Variants in MCTP2 observed in about 807,000 individuals in gnomAD.
MCTP2 encodes the protein multiple C2 and transmembrane domain-containing protein 2.
A neutral mutation model predicts 111.6 loss-of-function variants in MCTP2; 132 were observed. The ratio of observed to expected loss-of-function variants is 1.18; its 90% CI spans 1.03 to 1.37. The LOEUF (loss-of-function observed/expected upper bound fraction) is 1.37, where lower values mean the gene tolerates loss of function less well. MCTP2 is among the 40% of genes most tolerant of loss of function. The pLI is 0.00. For synonymous variants in MCTP2, 395 were observed against 387.7 expected (o/e 1.02, Z -0.22); for missense variants, 1,183 against 1,067.9 (o/e 1.11, Z -1.50).
chr15:94,358,341 C>G lies in MCTP2; in HGVS notation c.1171-141C>G. 5.7e-6 allele frequency: 4 copies of G among 698,434 alleles called. 1 individual carries two copies. The highest frequency in any genetic ancestry group is 4.4e-5 in the South Asian group (2 of 45,116). 43.3% of individuals were successfully genotyped at this position (698,434 alleles called of 1,614,324 possible). ...TTGAACCCACCAAGTCCCTTTCATT[C>G]TAAAAAAAGAAGTTTACCTTTATAA... On this transcript the variant is annotated intron_variant, in intron 9 of 22. Coordinates refer to ENST00000357742, the MANE Select transcript of MCTP2 (RefSeq NM_001385001.1).
chr15:94,244,800 TTATA>T (rs1596154381), intron 1 of MCTP2, among the ~76,000 whole-genome samples: 1 of 144,002 alleles, frequency 6.9e-6, no homozygotes, highest in South Asian at 2.2e-4. Context: ...GCACGTATGT[TTATA>T]TACGTATATG....
At chr15:94,397,998 T>C (rs542111836) in intron 14 of MCTP2, among the ~76,000 whole-genome samples, 3 of 152,332 alleles carry the variant, frequency 2.0e-5, no homozygotes, top group East Asian at 3.9e-4. Context: ...AAGAGAATGA[T>C]GAAATCAAGC....
chr15:94,281,835 G>A (rs1449535334), intron 1 of MCTP2, among the ~76,000 whole-genome samples: 1 of 152,052 alleles, frequency 6.6e-6, no homozygotes, highest in Non-Finnish European at 1.5e-5. Context: ...GGCTGGATAT[G>A]ACATTCTTGG....
rs2073839214 is a variant in MCTP2 at position 94,470,581 on chromosome 15, A to G, written c.2470+139A>G. On this transcript the variant is annotated intron_variant, in intron 21 of 22. Transcript: ENST00000357742. ...GATTAAGGAAAGCATTTGGGGAACA[A>G]AAACTTCCAGGACCTCCCTGAAAGG... is the stretch of plus-strand genomic sequence containing the variant. The G allele has an allele frequency of 2.7e-5, 19 of 699,826 alleles. No individual in the cohort carries two copies. The South Asian group carries it at 3.3e-4, about 12-fold the overall frequency. The allele number at this position is 699,826 out of a possible 1,614,324, so 43.4% of individuals were successfully genotyped here.
rs375018037 is a variant in MCTP2 at position 94,464,261 on chromosome 15, A to AT, written c.2360+6016dup. ...TATAATATATATATATATATATTAT[A>AT]TATATATATATATATATAAACGTCA... On this transcript the variant is annotated intron_variant, in intron 20 of 22. Transcript: ENST00000357742. Among the ~76,000 whole-genome samples the AT allele has an allele frequency of 6.9e-4, 30 of 43,262 alleles. 1 individual carries two copies. The highest frequency in any genetic ancestry group is 2.8e-3 in the East Asian group (7 of 2,518). The allele number at this position is 43,262 out of a possible 152,430, so 28.4% of individuals were successfully genotyped here.
intron 7 of MCTP2, chr15:94,342,208 A>G (rs937187360): frequency 6.6e-6 from 1 of 152,214 alleles, no homozygotes; most frequent in Non-Finnish European, 1.5e-5. Context: ...GAAGTTTTCT[A>G]TAGCATATTA....
At chr15:94,329,286 A>T (rs1293813190) in intron 4 of MCTP2, among the ~76,000 whole-genome samples, 2 of 152,180 alleles carry the variant, frequency 1.3e-5, no homozygotes, top group African/African-American at 4.8e-5. Flanking sequence ...CATCCTTTAA[A>T]AAAAATTTTT....
intron 16 of MCTP2, among the ~76,000 whole-genome samples, chr15:94,401,198 C>A (rs1483152715): frequency 1.3e-5 from 2 of 152,094 alleles, no homozygotes; most frequent in Non-Finnish European, 2.9e-5. Context: ...TCCGCACGTG[C>A]CTCTTGCTAC....
chr15:94,297,796 C>T (rs1391870379), intron 1 of MCTP2, among the ~76,000 whole-genome samples: 1 of 152,134 alleles, frequency 6.6e-6, no homozygotes, highest in Non-Finnish European at 1.5e-5. Context: ...GTTTGTTGAC[C>T]TCCGGTTTAG....
chr15:94,236,229 C>A (rs1482227306), intron 1 of MCTP2, among the ~76,000 whole-genome samples: 1 of 151,902 alleles, frequency 6.6e-6, no homozygotes, highest in African/African-American at 2.4e-5. Flanking sequence ...CAAGCACCTC[C>A]CCAGGCCACA....
intron 19 of MCTP2, among the ~76,000 whole-genome samples, chr15:94,456,787 A>G: frequency 6.6e-6 from 1 of 152,294 alleles, no homozygotes; most frequent in Non-Finnish European, 1.5e-5. Context: ...AGCACCCTTT[A>G]CTGGAGAAGG....
rs747468517 is a variant in MCTP2 at position 94,345,109 on chromosome 15, C to T, written c.970-20C>T. 3.1e-6 allele frequency: 5 copies of T among 1,612,210 alleles called. No homozygotes were observed. Among genetic ancestry groups the T allele is most frequent in the Non-Finnish European group, 4.2e-6 (5 of 1,178,684 alleles). ...GTTTTATTTTGCCATTTTCACCATT[C>T]CGCGGACACAAATCTTTAGCGTTGG... On this transcript the variant is annotated intron_variant, in intron 7 of 22. Transcript: ENST00000357742.
chr15:94,324,290 G>A (rs568038490), intron 4 of MCTP2, among the ~76,000 whole-genome samples: 1 of 152,340 alleles, frequency 6.6e-6, no homozygotes, highest in South Asian at 2.1e-4. Context: ...GGCTCGTAGA[G>A]CGCTAATACG....
chr15:94,460,046 GTCC>G (rs1389379840), intron 20 of MCTP2, among the ~76,000 whole-genome samples: 2 of 152,146 alleles, frequency 1.3e-5, no homozygotes, highest in African/African-American at 2.4e-5. Flanking sequence ...ATTGGAACCT[GTCC>G]TCCTCATTAC....
chr15:94,346,777 A>G (rs1278792381), intron 8 of MCTP2, among the ~76,000 whole-genome samples: 1 of 152,046 alleles, frequency 6.6e-6, no homozygotes, highest in Admixed American at 6.6e-5. Flanking sequence ...GGCCAAACGA[A>G]TGATGGGGAG....
rs148442733 is a variant in MCTP2 at position 94,355,561 on chromosome 15, C to T, written c.1006-576C>T. Among the ~76,000 whole-genome samples, 28 of 152,248 alleles carry T rather than the reference C, an allele frequency of 1.8e-4. 1 individual carries two copies. Among genetic ancestry groups the T allele is most frequent in the African/African-American group, 6.0e-4 (25 of 41,554 alleles). ...GAGATGTGCTTTATACGCCCCCTTC[C>T]CTCCCACCCCCACTCCAGGTCTGCA... On this transcript the variant is annotated intron_variant, in intron 8 of 22. Transcript: ENST00000357742.
intron 19 of MCTP2, 84 bp downstream of exon 19, chr15:94,443,044 T>A: frequency 1.9e-5 from 16 of 835,280 alleles, no homozygotes; most frequent in Non-Finnish European, 2.4e-5. Flanking sequence ...GTCTCTCTCC[T>A]CTCTTTTTTT....
chr15:94,481,057 C>G lies in MCTP2; in HGVS notation c.*2023C>G, dbSNP rs1290595740. On this transcript the variant is annotated 3_prime_UTR_variant, in exon 23 of 23. Coordinates refer to ENST00000357742, the MANE Select transcript of MCTP2 (RefSeq NM_001385001.1). ...TGTAAGTGACATGTTAAGATTTATACAATTGTCAAAAACTTTTAGGAAAGA... is the reference window on the plus strand; with the variant it reads ...TGTAAGTGACATGTTAAGATTTATAGAATTGTCAAAAACTTTTAGGAAAGA... 6.6e-6 allele frequency: 1 copy of G among 152,170 alleles called. No individual in the cohort carries two copies. The highest frequency in any genetic ancestry group is 2.4e-5 in the African/African-American group (1 of 41,428). The allele number at this position is 152,170 out of a possible 1,614,324, so 9.4% of individuals were successfully genotyped here. A position where few individuals can be genotyped will look rare whatever the true frequency, so the allele number is the denominator to read the frequency against.
chr15:94,448,273 C>G (rs2084239570), intron 19 of MCTP2, among the ~76,000 whole-genome samples: 1 of 152,216 alleles, frequency 6.6e-6, no homozygotes, highest in African/African-American at 2.4e-5. Flanking sequence ...TATTATCAAG[C>G]TCACTAATAT....
Sources: gnomAD v4.1 joint callset for allele counts (sites outside exome capture counted in the v4.1 genomes callset) on GRCh38, gnomAD v4.1.1 for gene constraint, MANE v1.5 for transcripts, NCBI Gene and HGNC (gene_info 2026-07-23, HGNC 2026-07-21) for gene names.